The following DMD variants were observed in gnomAD, a reference collection of about 807,000 sequenced individuals.
DMD encodes mutant dystrophin.
In DMD, 63 loss-of-function variants were observed where a neutral mutation model predicts 330.1. The ratio of observed to expected loss-of-function variants is 0.19; its 90% CI spans 0.16 to 0.24. DMD has a LOEUF of 0.24. Among genes scored for constraint, DMD ranks in the 10% least tolerant of loss-of-function variants. The pLI, the probability that DMD is intolerant of heterozygous loss-of-function variation, is 1.00. For synonymous variants in DMD, 1,223 were observed against 959.8 expected (o/e 1.27, Z -5.07); for missense variants, 3,344 against 2,684.1 (o/e 1.25, Z -5.43).
chrX:33,020,026 T>C, intron 2 of DMD, 113 bp downstream of exon 2: 1 of 552,679 alleles, frequency 1.8e-6, no homozygotes, highest in Non-Finnish European at 2.9e-6. Flanking sequence ...ACAGCTAAAA[T>C]AAAATGACAC....
chrX:31,979,501 G>GT (rs2095461255), intron 44 of DMD, among the ~76,000 whole-genome samples: 1 of 111,988 alleles, frequency 8.9e-6, no homozygotes, highest in African/African-American at 3.2e-5. Context: ...TTCTTTTACT[G>GT]GTATGTGGTG....
intron 1 of DMD, among the ~76,000 whole-genome samples, chrX:33,090,734 G>A (rs7059326): frequency 0.028 from 3,038 of 110,313 alleles, 83 homozygotes; most frequent in African/African-American, 0.067. Flanking sequence ...TACATATACT[G>A]TAGGTAGCTT....
chrX:33,286,546 C>G (rs911238142), intron 1 of DMD, among the ~76,000 whole-genome samples: 4 of 112,322 alleles, frequency 3.6e-5, no homozygotes, highest in Non-Finnish European at 3.8e-5. Flanking sequence ...TTATAAGAGG[C>G]CATGATATAT....
At chrX:33,214,528 T>C (rs1230999881), upstream of DMD, among the ~76,000 whole-genome samples, 3 of 111,982 alleles carry the variant, frequency 2.7e-5, no homozygotes, top group Non-Finnish European at 5.6e-5. Context: ...GTGCTTTGTG[T>C]TGTGATTAGA....
At chrX:31,768,868 T>C (rs771737300) in intron 51 of DMD, among the ~76,000 whole-genome samples, 1 of 112,207 alleles carries the variant, frequency 8.9e-6, no homozygotes, top group South Asian at 3.7e-4. Context: ...AAGATAATGG[T>C]ATATTTTCTA....
chrX:32,569,327 G>C (rs1250653767), intron 15 of DMD, among the ~76,000 whole-genome samples: 1 of 111,997 alleles, frequency 8.9e-6, no homozygotes, highest in Non-Finnish European at 1.9e-5. Context: ...TGGCAAAATT[G>C]AGTTTTCCAC....
At chrX:31,864,509 T>TTTTC (rs1290470133) in intron 48 of DMD, among the ~76,000 whole-genome samples, 1 of 98,715 alleles carries the variant, frequency 1.0e-5, no homozygotes, top group African/African-American at 3.7e-5. Context: ...TTTTTTTTTT[T>TTTTC]AAAGAAGTCT....
intron 77 of DMD, 130 bp from the exon 78 acceptor site, chrX:31,126,803 G>GAAAAAAAAAAA (rs58738809): frequency 1.6e-5 from 4 of 254,641 alleles, no homozygotes; most frequent in East Asian, 7.4e-5. Flanking sequence ...TTCTCTGCTG[G>GAAAAAAAAAAA]AAAAAAAAAA....
At chrX:33,068,797 T>G (rs761887623) in intron 1 of DMD, among the ~76,000 whole-genome samples, 14 of 112,572 alleles carry the variant, frequency 1.2e-4, no homozygotes, top group African/African-American at 4.5e-4. Context: ...TATGGTTTAC[T>G]TAGGTATGGG....
At chrX:31,511,000 T>C (rs1179753479) in intron 55 of DMD, among the ~76,000 whole-genome samples, 2 of 111,557 alleles carry the variant, frequency 1.8e-5, no homozygotes, top group East Asian at 2.8e-4. Flanking sequence ...AGAAATGACT[T>C]GACACATCAG....
chrX:32,014,883 C>T lies in DMD; in HGVS notation c.6439-46369G>A, dbSNP rs745399867. Among the ~76,000 whole-genome samples, 44 of 112,147 alleles carry T rather than the reference C, an allele frequency of 3.9e-4. No homozygotes were observed. The South Asian group carries it at 4.4e-3, about 11-fold the overall frequency. ...TAAGCCTCATATTAGTACTACTAAG[C>T]ATACTCAAAATAGGTAAGACTACTG... On this transcript the variant is annotated intron_variant, in intron 44 of 78. Transcript: ENST00000357033.
chrX:32,276,136 A>T (rs6631535), intron 43 of DMD, among the ~76,000 whole-genome samples: 5,283 of 111,944 alleles, frequency 0.047, 279 homozygotes, highest in East Asian at 0.39. Context: ...GAAAAAAGCC[A>T]TGCTGGCCTC....
At chrX:31,750,721 C>T (rs1238244011) in intron 51 of DMD, among the ~76,000 whole-genome samples, 9 of 108,932 alleles carry the variant, frequency 8.3e-5, no homozygotes, top group East Asian at 5.9e-4. Context: ...TGTTTGCAGA[C>T]GACATGATTG....
chrX:33,077,781 A>AT (rs200591625), intron 1 of DMD, among the ~76,000 whole-genome samples: 1,655 of 112,535 alleles, frequency 0.015, 37 homozygotes, highest in African/African-American at 0.051. Flanking sequence ...CCCACAAACA[A>AT]TTTAGAATTT....
chrX:32,435,717 C>T (rs749841042), intron 29 of DMD, among the ~76,000 whole-genome samples: 2 of 110,827 alleles, frequency 1.8e-5, no homozygotes, highest in South Asian at 7.8e-4. Context: ...GCTTTTAATT[C>T]TTTTTCAAAC....
chrX:32,685,811 T>C (rs1011333504), intron 9 of DMD, among the ~76,000 whole-genome samples: 16 of 111,835 alleles, frequency 1.4e-4, no homozygotes, highest in African/African-American at 5.2e-4. Flanking sequence ...AAAGATAGTT[T>C]ATTTCCCCAA....
intron 9 of DMD, among the ~76,000 whole-genome samples, chrX:32,693,653 T>C (rs757193669): frequency 3.6e-5 from 4 of 112,075 alleles, no homozygotes; most frequent in African/African-American, 1.3e-4. Context: ...TTGGCCAGGC[T>C]GGTCTCAAAC....
upstream of DMD, among the ~76,000 whole-genome samples, chrX:33,214,353 A>T (rs2052014039): frequency 9.0e-6 from 1 of 111,714 alleles, no homozygotes; most frequent in African/African-American, 3.3e-5. Flanking sequence ...TCTACAGAAT[A>T]TCTTTCAGGT....
At chrX:31,540,322 T>C (rs1239059174) in intron 55 of DMD, among the ~76,000 whole-genome samples, 2 of 111,971 alleles carry the variant, frequency 1.8e-5, no homozygotes, top group Non-Finnish European at 3.8e-5. Flanking sequence ...TAAACATACA[T>C]GGTAATCAGG....
Sources: gnomAD v4.1 joint callset for allele counts (sites outside exome capture counted in the v4.1 genomes callset) on GRCh38, gnomAD v4.1.1 for gene constraint, MANE v1.5 for transcripts, NCBI Gene and HGNC (gene_info 2026-07-23, HGNC 2026-07-21) for gene names.